The following KIF18A variants were observed in gnomAD, a reference collection of about 807,000 sequenced individuals.
The protein encoded by KIF18A is kinesin family member 18A.
Under a neutral mutation model 103.3 loss-of-function variants are expected in KIF18A, and 67 were observed. The ratio of observed to expected loss-of-function variants is 0.65; its 90% CI spans 0.53 to 0.79. The LOEUF is 0.79. Ranked by LOEUF, KIF18A falls within the 30% of genes least tolerant of loss-of-function variation. KIF18A has a pLI of 0.00. For missense variants in KIF18A, 1,032 were observed against 1,062.5 expected, an observed-to-expected ratio of 0.97 and a Z score of 0.40; for synonymous variants, 367 against 355.5, an observed-to-expected ratio of 1.03 and a Z score of -0.36.
At chr11:28,046,863 T>C (rs1173065956) in intron 13 of KIF18A, among the ~76,000 whole-genome samples, 16 of 150,180 alleles carry the variant, frequency 1.1e-4, no homozygotes, top group Admixed American at 5.3e-4. Flanking sequence ...ACCAGCCTGG[T>C]AAATGTGGTG....
At position 28,097,712 on chromosome 11, in the gene KIF18A, A is replaced by G; in HGVS notation, c.236T>C (p.Val79Ala). 1 of 1,610,984 alleles carries G rather than the reference A, an allele frequency of 6.2e-7. No homozygotes were observed. The highest frequency in any genetic ancestry group is 1.1e-5 in the South Asian group (1 of 90,944). Residue 79 changes from valine (V) to alanine (A), a missense_variant, in exon 2 of 17, where the codon GTT (valine) becomes GCT (alanine). By Grantham distance (64) the Val-to-Ala change is moderately conservative. Transcript: ENST00000263181. ...NKDLKFVFDA[V>A]FDETSTQSEV... is the part of the protein sequence containing the mutation. Reference sequence around the variant, plus strand: ...TGACTGAGTTGACGTTTCATCAAAAACAGCATCAAATACAAATTTAAGATC... The same window carrying G: ...TGACTGAGTTGACGTTTCATCAAAAGCAGCATCAAATACAAATTTAAGATC...
Position 28,030,720 on chromosome 11 carries a change from A to G in KIF18A, c.2504+4667T>C, listed in dbSNP as rs1430561099. ...CTAAAGAGCTTCTGCACAGCAAAAG[A>G]AACTACCATCAGAGTGAACAGGCAA... is the stretch of plus-strand genomic sequence containing the variant. On this transcript the variant is annotated intron_variant, in intron 15 of 16. Transcript: ENST00000263181. 4.0e-5 allele frequency among the ~76,000 whole-genome samples: 6 copies of G among 149,998 alleles called. No homozygotes were observed. In the East Asian group the frequency reaches 9.8e-4, roughly 24 times the overall value.
chr11:28,043,242 T>C (rs1850584098), intron 13 of KIF18A, among the ~76,000 whole-genome samples: 1 of 151,926 alleles, frequency 6.6e-6, no homozygotes. Flanking sequence ...ATATCACACA[T>C]GGATGAGATA....
intron 6 of KIF18A, among the ~76,000 whole-genome samples, chr11:28,085,253 C>T (rs1265834472): frequency 6.6e-6 from 1 of 152,008 alleles, no homozygotes; most frequent in Non-Finnish European, 1.5e-5. Context: ...CTTAGAAGAC[C>T]GCGAAAGGGA....
At chr11:28,064,571 T>C (rs1850893741) in intron 11 of KIF18A, among the ~76,000 whole-genome samples, 1 of 152,102 alleles carries the variant, frequency 6.6e-6, no homozygotes, top group Non-Finnish European at 1.5e-5. Context: ...CTACATGTTG[T>C]GCTCATGTAC....
rs548266281 is a variant in KIF18A at position 28,096,408 on chromosome 11, A to C, written c.325+1215T>G. On this transcript the variant is annotated intron_variant, in intron 2 of 16. Transcript: ENST00000263181. ...TGTATATTTTACTTTGTTCTATTTT[A>C]TGTAAGCTGGTATATAAGGAAGGTT... 3.3e-5 allele frequency among the ~76,000 whole-genome samples: 5 copies of C among 152,156 alleles called. No individual in the cohort carries two copies. The South Asian group carries it at 1.0e-3, about 31-fold the overall frequency.
In KIF18A at chr11:28,084,640, T is replaced by C. The variant is rs1220771982; in HGVS notation, c.1066A>G (p.Lys356Glu). ...AGAGTAAACAGACTTACAGAAGATT[T>C]AATGTCCTTTGCCCGGTTAGCATAC... ...LKYANRAKDIKSSLKSNVLNV... is the reference protein window; with the variant it reads ...LKYANRAKDIESSLKSNVLNV... Residue 356 changes from lysine to glutamate, a missense_variant, in exon 7 of 17, where the codon AAA becomes GAA. Coordinates refer to ENST00000263181, the MANE Select transcript of KIF18A (RefSeq NM_031217.4). 2.5e-6 allele frequency: 4 copies of C among 1,607,136 alleles called. No individual in the cohort carries two copies. Among genetic ancestry groups the C allele is most frequent in the Non-Finnish European group, 3.4e-6 (4 of 1,175,268 alleles).
intron 13 of KIF18A, among the ~76,000 whole-genome samples, chr11:28,038,801 A>T (rs1850524851): frequency 6.6e-6 from 1 of 151,730 alleles, no homozygotes; most frequent in Non-Finnish European, 1.5e-5. Flanking sequence ...TGAGATCCAG[A>T]TCTTAAAATA....
chr11:28,102,514 G>A (rs920273596), intron 1 of KIF18A, among the ~76,000 whole-genome samples: 2 of 152,140 alleles, frequency 1.3e-5, no homozygotes, highest in African/African-American at 4.8e-5. Context: ...AGGACCTCCT[G>A]AGGGCTGAGT....
intron 9 of KIF18A, among the ~76,000 whole-genome samples, chr11:28,079,973 G>A (rs1010608724): frequency 6.6e-6 from 1 of 152,000 alleles, no homozygotes; most frequent in Non-Finnish European, 1.5e-5. Context: ...TCAAAATTCT[G>A]TATTGGTTTA....
chr11:28,073,944 G>A (rs1455426687), intron 10 of KIF18A, among the ~76,000 whole-genome samples: 1 of 152,078 alleles, frequency 6.6e-6, no homozygotes, highest in Admixed American at 6.6e-5. Flanking sequence ...GTAAATCTTA[G>A]ATAACTGCAC....
intron 15 of KIF18A, among the ~76,000 whole-genome samples, chr11:28,027,932 A>G (rs974501490): frequency 1.3e-5 from 2 of 151,994 alleles, no homozygotes; most frequent in Non-Finnish European, 2.9e-5. Context: ...TGATGAACAC[A>G]TGCACAAATC....
chr11:28,030,569 A>G (rs1263450262), intron 15 of KIF18A, among the ~76,000 whole-genome samples: 2 of 152,222 alleles, frequency 1.3e-5, no homozygotes, highest in Non-Finnish European at 1.5e-5. Flanking sequence ...AGCTAAAACC[A>G]TAAAAACCCC....
chr11:28,094,863 A>G lies in KIF18A; in HGVS notation c.326-63T>C, dbSNP rs946978317. On this transcript the variant is annotated intron_variant, in intron 2 of 16. Transcript: ENST00000263181. ...GAAATATAACTCTATTATATCTACT[A>G]TCTAGTGGATAGTTCCATCTGGATA... 32 of 1,457,970 alleles carry G rather than the reference A, an allele frequency of 2.2e-5. No homozygotes were observed. The Admixed American group carries it at 5.1e-4, about 23-fold the overall frequency. The allele number at this position is 1,457,970 out of a possible 1,614,324, so 90.3% of individuals were successfully genotyped here.
chr11:28,101,038 C>T lies in KIF18A; in HGVS notation c.-46-3045G>A, dbSNP rs567376396. Among the ~76,000 whole-genome samples, 115 of 152,246 alleles carry T rather than the reference C, an allele frequency of 7.6e-4. 1 individual carries two copies. Among genetic ancestry groups the T allele is most frequent in the Middle Eastern group, 3.4e-3 (1 of 294 alleles). ...ATACCAATTCTCTTCCTATCTGCCC[C>T]ACTCCTGCTTCTTCTTGCCAAAGAG... On this transcript the variant is annotated intron_variant, in intron 1 of 16. Transcript: ENST00000263181.
intron 15 of KIF18A, among the ~76,000 whole-genome samples, chr11:28,030,321 A>T (rs1273257392): frequency 6.6e-6 from 1 of 152,056 alleles, no homozygotes; most frequent in Non-Finnish European, 1.5e-5. Context: ...TGGTACTGGT[A>T]CCAAAACAGA....
intron 15 of KIF18A, among the ~76,000 whole-genome samples, chr11:28,033,515 G>A (rs1409008132): frequency 6.6e-6 from 1 of 151,752 alleles, no homozygotes; most frequent in African/African-American, 2.4e-5. Context: ...ACACAATAGA[G>A]TACCATTCAG....
At chr11:28,023,949 C>CA in intron 15 of KIF18A, 99 bp from the exon 16 acceptor site, 1 of 533,874 alleles carries the variant, frequency 1.9e-6, no homozygotes, top group Non-Finnish European at 3.3e-6. Context: ...AAATAAAACA[C>CA]AAAAATATTA....
intron 1 of KIF18A, among the ~76,000 whole-genome samples, chr11:28,107,859 A>G (rs1408625676): frequency 2.0e-5 from 3 of 152,080 alleles, no homozygotes; most frequent in African/African-American, 4.8e-5. Flanking sequence ...GCAGTCGAGG[A>G]TTACGGTCAA....
Sources: gnomAD v4.1 joint callset for allele counts (sites outside exome capture counted in the v4.1 genomes callset) on GRCh38, gnomAD v4.1.1 for gene constraint, MANE v1.5 for transcripts, NCBI Gene and HGNC (gene_info 2026-07-23, HGNC 2026-07-21) for gene names.